AUTS2: variants seen among roughly 807,000 people sequenced by gnomAD.
AUTS2 encodes the protein autism susceptibility gene 2 protein.
A neutral mutation model predicts 112.4 loss-of-function variants in AUTS2; 17 were observed. That is an observed-to-expected ratio of 0.15 (90% CI 0.10 to 0.23). The LOEUF is 0.23. Ranked by LOEUF, AUTS2 falls within the 10% of genes least tolerant of loss-of-function variation. The pLI, the probability that AUTS2 is intolerant of heterozygous loss-of-function variation, is 1.00. For synonymous variants in AUTS2, 751 were observed against 702.7 expected (o/e 1.07, Z -1.09); for missense variants, 1,510 against 1,701.6 (o/e 0.89, Z 1.98).
chr7:70,659,941 C>T (rs561409659), intron 5 of AUTS2, among the ~76,000 whole-genome samples: 55 of 151,916 alleles, frequency 3.6e-4, no homozygotes, highest in African/African-American at 1.3e-3. Flanking sequence ...TTTTGGGAGG[C>T]CAAGGCAGGT....
intron 1 of AUTS2, among the ~76,000 whole-genome samples, chr7:69,832,257 G>C (rs752739752): frequency 6.6e-6 from 1 of 152,052 alleles, no homozygotes; most frequent in African/African-American, 2.4e-5. Flanking sequence ...TCTTACCCTG[G>C]TCATCTATTG....
In AUTS2 at chr7:70,631,307, G is replaced by T. The variant is rs965277132; in HGVS notation, c.691-67262G>T. 6.6e-6 allele frequency among the ~76,000 whole-genome samples: 1 copy of T among 152,212 alleles called. No individual in the cohort carries two copies. Among genetic ancestry groups the T allele is most frequent in the African/African-American group, 2.4e-5 (1 of 41,452 alleles). On this transcript the variant is annotated intron_variant, in intron 5 of 18. Coordinates refer to ENST00000342771, the MANE Select transcript of AUTS2 (RefSeq NM_015570.4). This position sits in a 1 kb window ranked among gnomAD's most constrained non-coding sequence, Gnocchi z 4.5. ...TTGCTGCGGGCTGGCCGGGCTGCTGGCTCGCCTTGAAGAGAACACCAGGGC... is the reference window on the plus strand; with the variant it reads ...TTGCTGCGGGCTGGCCGGGCTGCTGTCTCGCCTTGAAGAGAACACCAGGGC...
Position 69,872,891 on chromosome 7 carries a change from GGAGTGCAGT to G in AUTS2, c.310-26393_310-26385del, listed in dbSNP as rs374979203. Among the ~76,000 whole-genome samples, 372 of 130,086 alleles carry G rather than the reference GGAGTGCAGT, an allele frequency of 2.9e-3. 3 individuals are homozygous for G. Among genetic ancestry groups the G allele is most frequent in the African/African-American group, 0.011 (359 of 33,168 alleles). The allele number at this position is 130,086 out of a possible 152,430, so 85.3% of individuals were successfully genotyped here. ...AGAGTCTCACTTTGTCACCCTGGCT[GGAGTGCAGT>G]GGTGTGATCTTAGCTCACTGCAACC... On this transcript the variant is annotated intron_variant, in intron 1 of 18. Coordinates refer to ENST00000342771, the MANE Select transcript of AUTS2 (RefSeq NM_015570.4).
chr7:70,411,340 A>G (rs538321674), intron 4 of AUTS2, among the ~76,000 whole-genome samples: 11 of 152,310 alleles, frequency 7.2e-5, no homozygotes, highest in African/African-American at 2.6e-4. Context: ...ATTGCATGAT[A>G]TGCACAAATC....
chr7:70,004,170 A>ATAT lies in AUTS2; in HGVS notation c.522+104672_522+104673insTAT, dbSNP rs1418809654. 2.0e-4 allele frequency among the ~76,000 whole-genome samples: 15 copies of ATAT among 75,298 alleles called. 1 individual carries two copies. Among genetic ancestry groups the ATAT allele is most frequent in the African/African-American group, 8.6e-4 (14 of 16,288 alleles). 49.4% of individuals were successfully genotyped at this position (75,298 alleles called of 152,430 possible). On this transcript the variant is annotated intron_variant, in intron 2 of 18. Coordinates refer to ENST00000342771, the MANE Select transcript of AUTS2 (RefSeq NM_015570.4). ...GAATGTGTTATATGTGAATATATAT[A>ATAT]ATATGAATGTGTTATATGTGAATAT...
chr7:69,638,077 G>A (rs1410738345), intron 1 of AUTS2, among the ~76,000 whole-genome samples: 1 of 152,160 alleles, frequency 6.6e-6, no homozygotes, highest in Non-Finnish European at 1.5e-5. Context: ...GGAATCCAGT[G>A]GTGCATTCAC....
chr7:70,151,851 C>T (rs1807457874), intron 4 of AUTS2, among the ~76,000 whole-genome samples: 1 of 152,022 alleles, frequency 6.6e-6, no homozygotes, highest in South Asian at 2.1e-4. Context: ...TTACGAATTA[C>T]CAGACATTCA....
intron 2 of AUTS2, among the ~76,000 whole-genome samples, chr7:69,940,248 G>C (rs1796572835): frequency 6.6e-6 from 1 of 152,208 alleles, no homozygotes; most frequent in African/African-American, 2.4e-5. Context: ...AGGGCAGAGA[G>C]TTGACAAATC....
intron 6 of AUTS2, among the ~76,000 whole-genome samples, chr7:70,730,871 A>G (rs761268669): frequency 5.9e-5 from 9 of 152,176 alleles, no homozygotes; most frequent in Non-Finnish European, 1.2e-4. Flanking sequence ...TCCCACCAAC[A>G]GTGTATGAGG....
intron 2 of AUTS2, among the ~76,000 whole-genome samples, chr7:70,048,281 A>G (rs917314030): frequency 6.6e-6 from 1 of 152,110 alleles, no homozygotes; most frequent in Non-Finnish European, 1.5e-5. Context: ...TCTCCATTAC[A>G]TCACACATGC....
At chr7:70,152,268 A>G (rs753159513) in intron 4 of AUTS2, among the ~76,000 whole-genome samples, 10 of 152,116 alleles carry the variant, frequency 6.6e-5, no homozygotes, top group Non-Finnish European at 1.0e-4. Context: ...AGTAATTTCC[A>G]AATTTGATGA....
At chr7:70,170,159 AT>A (rs34556589) in intron 4 of AUTS2, among the ~76,000 whole-genome samples, 2,002 of 132,822 alleles carry the variant, frequency 0.015, 32 homozygotes, top group African/African-American at 0.042. Flanking sequence ...AAATGCAAGT[AT>A]TTTTTTTTTT....
intron 4 of AUTS2, among the ~76,000 whole-genome samples, chr7:70,376,151 G>C (rs889660715): frequency 6.6e-6 from 1 of 152,140 alleles, no homozygotes; most frequent in Admixed American, 6.5e-5. Flanking sequence ...GGACACCTCT[G>C]TATCCAGTTA....
At chr7:70,075,663 C>A (rs946068120) in intron 2 of AUTS2, among the ~76,000 whole-genome samples, 6 of 152,048 alleles carry the variant, frequency 3.9e-5, no homozygotes, top group African/African-American at 1.2e-4. Flanking sequence ...CTTCAATGTA[C>A]AAATAATCAA....
intron 5 of AUTS2, among the ~76,000 whole-genome samples, chr7:70,516,937 GA>G (rs1799440872): frequency 6.6e-6 from 1 of 152,102 alleles, no homozygotes; most frequent in South Asian, 2.1e-4. Context: ...AAATGTGAGG[GA>G]TTTGTGTTTG....
chr7:69,959,804 G>C (rs554635899), intron 2 of AUTS2, among the ~76,000 whole-genome samples: 1 of 152,146 alleles, frequency 6.6e-6, no homozygotes, highest in Non-Finnish European at 1.5e-5. Flanking sequence ...TGGAAAAATT[G>C]TTTTGTCTTA....
intron 4 of AUTS2, among the ~76,000 whole-genome samples, chr7:70,330,386 CT>C (rs1333137581): frequency 1.3e-5 from 2 of 152,140 alleles, no homozygotes; most frequent in Non-Finnish European, 2.9e-5. Context: ...AAAGATTATT[CT>C]TTTCCTGTTA....
Position 70,553,190 on chromosome 7 carries a change from G to A in AUTS2, c.690+117409G>A, listed in dbSNP as rs1347032166. 5.9e-5 allele frequency among the ~76,000 whole-genome samples: 9 copies of A among 152,202 alleles called. No individual in the cohort carries two copies. In the East Asian group the frequency reaches 7.7e-4, roughly 13 times the overall value. ...CCCAAAAGCCAGACAGACCCTGTGC[G>A]TATTTTAGGGGATACATTCTGTTCT... On this transcript the variant is annotated intron_variant, in intron 5 of 18. Transcript: ENST00000342771.
intron 2 of AUTS2, among the ~76,000 whole-genome samples, chr7:70,112,438 C>T (rs989868901): frequency 2.0e-5 from 3 of 151,998 alleles, no homozygotes; most frequent in Admixed American, 6.5e-5. Flanking sequence ...TTAAGTTACC[C>T]AATTTACTGT....
Sources: gnomAD v4.1 joint callset for allele counts (sites outside exome capture counted in the v4.1 genomes callset) on GRCh38, gnomAD v4.1.1 for gene constraint, Gnocchi (gnomAD v3.1) non-coding constraint, MANE v1.5 for transcripts, NCBI Gene and HGNC (gene_info 2026-07-23, HGNC 2026-07-21) for gene names.